The following SIPA1L1 variants were observed in gnomAD, a reference collection of about 807,000 sequenced individuals.
SIPA1L1 encodes signal induced proliferation associated 1 like 1, also known as signal-induced proliferation-associated 1-like protein 1.
A neutral mutation model predicts 162.7 loss-of-function variants in SIPA1L1; 26 were observed. The ratio of observed to expected loss-of-function variants is 0.16; its 90% CI spans 0.12 to 0.22. SIPA1L1 has a LOEUF of 0.22. Among genes scored for constraint, SIPA1L1 ranks in the 10% least tolerant of loss-of-function variants. The pLI, the probability that SIPA1L1 is intolerant of heterozygous loss-of-function variation, is 1.00. For missense variants in SIPA1L1, 1,874 were observed against 2,241.0 expected, an observed-to-expected ratio of 0.84 and a Z score of 3.31; for synonymous variants, 829 against 837.4, an observed-to-expected ratio of 0.99 and a Z score of 0.17.
At chr14:71,678,715 T>C (rs150497706) in intron 12 of SIPA1L1, among the ~76,000 whole-genome samples, 3,438 of 152,176 alleles carry the variant, frequency 0.023, 50 homozygotes, top group Non-Finnish European at 0.033. Context: ...GAAGGAATGG[T>C]ACCAGCTCCT....
intron 2 of SIPA1L1, among the ~76,000 whole-genome samples, chr14:71,350,052 T>C (rs1001233655): frequency 2.0e-5 from 3 of 152,086 alleles, no homozygotes; most frequent in Admixed American, 6.6e-5. Flanking sequence ...TATAAGAGCA[T>C]TTCTGCTAGA....
chr14:71,391,937 G>GT (rs2040795269), intron 2 of SIPA1L1, among the ~76,000 whole-genome samples: 1 of 152,156 alleles, frequency 6.6e-6, no homozygotes, highest in African/African-American at 2.4e-5. Context: ...CTGCTGTACT[G>GT]GTTCTCTTTC....
At chr14:71,548,789 T>C (rs937122114) in intron 4 of SIPA1L1, among the ~76,000 whole-genome samples, 2 of 151,480 alleles carry the variant, frequency 1.3e-5, no homozygotes, top group Non-Finnish European at 2.9e-5. Context: ...TCCCAACTGC[T>C]TTGGAGGCTG....
chr14:71,500,087 G>C (rs901572689), intron 2 of SIPA1L1, among the ~76,000 whole-genome samples: 1 of 152,034 alleles, frequency 6.6e-6, no homozygotes, highest in Non-Finnish European at 1.5e-5. Flanking sequence ...ACATTTGGAC[G>C]TAGTGTTTGA....
intron 5 of SIPA1L1, among the ~76,000 whole-genome samples, chr14:71,604,273 AGG>A (rs995578725): frequency 7.9e-5 from 12 of 152,000 alleles, no homozygotes; most frequent in African/African-American, 2.9e-4. Context: ...AGAACAATAT[AGG>A]TTTGAGCAAC....
At chr14:71,697,012 T>C (rs1008002903) in intron 13 of SIPA1L1, among the ~76,000 whole-genome samples, 4 of 152,250 alleles carry the variant, frequency 2.6e-5, no homozygotes, top group Admixed American at 6.5e-5. Context: ...GAGCCATTAA[T>C]GGGGATGGAG....
intron 4 of SIPA1L1, among the ~76,000 whole-genome samples, chr14:71,575,238 C>T (rs1466831020): frequency 1.3e-5 from 2 of 152,060 alleles, no homozygotes; most frequent in Admixed American, 1.3e-4. Flanking sequence ...TAAGTTGCTG[C>T]GGAACTGACT....
chr14:71,407,138 G>A (rs2140190781), intron 2 of SIPA1L1, among the ~76,000 whole-genome samples: 1 of 152,314 alleles, frequency 6.6e-6, no homozygotes, highest in South Asian at 2.1e-4. Context: ...AGCTACTCGG[G>A]TGGCTGAGGC....
chr14:71,402,350 A>ATT (rs34542279), intron 2 of SIPA1L1, among the ~76,000 whole-genome samples: 126 of 144,296 alleles, frequency 8.7e-4, no homozygotes, highest in South Asian at 3.1e-3. Flanking sequence ...TCTTGGGTAA[A>ATT]TTTTTTTTTT....
chr14:71,345,635 G>A (rs962554649), intron 2 of SIPA1L1, among the ~76,000 whole-genome samples: 23 of 146,044 alleles, frequency 1.6e-4, no homozygotes, highest in Admixed American at 3.4e-4. Context: ...GTGCAGTGGC[G>A]CGATCTTGGC....
intron 2 of SIPA1L1, among the ~76,000 whole-genome samples, chr14:71,354,525 C>T (rs2037050243): frequency 6.6e-6 from 1 of 151,854 alleles, no homozygotes; most frequent in Admixed American, 6.6e-5. Flanking sequence ...AATCTGCCCG[C>T]CTTGGCCTCC....
intron 22 of SIPA1L1, 55 bp from the exon 23 acceptor site, chr14:71,738,186 A>T (rs12886791): frequency 3.5e-6 from 2 of 572,572 alleles, no homozygotes; most frequent in Non-Finnish European, 5.4e-6. Flanking sequence ...AAAAAAAAAA[A>T]CAAACCCAGC....
In SIPA1L1 at chr14:71,709,582, C is replaced by T. The variant is rs1457131678; in HGVS notation, c.4126C>T (p.His1376Tyr). The change falls in exon 17 of 24, where the codon CAC becomes TAC. Residue 1376 changes from histidine to tyrosine, a missense_variant. Physicochemically the swap from His to Tyr is moderately conservative, Grantham distance 83. Coordinates refer to ENST00000381232, the MANE Select transcript of SIPA1L1 (RefSeq NM_001386936.1). The stretch of plus-strand genomic sequence containing the variant: ...AGAGTCTTCCCTGAGCTTAGACATA[C>T]ACAGCAAGAGCCAAGCCGGCTCGAC... Reference protein sequence around the residue: ...KTESSLSLDIHSKSQAGSTPL... With the variant: ...KTESSLSLDIYSKSQAGSTPL... The T allele has an allele frequency of 1.2e-6, 2 of 1,614,200 alleles. No homozygotes were observed. The highest frequency in any genetic ancestry group is 1.7e-5 in the Admixed American group (1 of 60,026).
chr14:71,625,258 A>G (rs1465055174), intron 7 of SIPA1L1, among the ~76,000 whole-genome samples: 1 of 152,020 alleles, frequency 6.6e-6, no homozygotes, highest in Non-Finnish European at 1.5e-5. Context: ...AGCCACTGAG[A>G]ATATATAATG....
intron 2 of SIPA1L1, among the ~76,000 whole-genome samples, 166 bp from the exon 3 acceptor site, chr14:71,512,577 C>G (rs1376211710): frequency 6.6e-5 from 9 of 136,210 alleles, no homozygotes; most frequent in African/African-American, 2.5e-4. Flanking sequence ...CAGAGCGAGA[C>G]TCTGTCTCAA....
At chr14:71,559,141 C>T (rs1033590825) in intron 4 of SIPA1L1, among the ~76,000 whole-genome samples, 2 of 151,368 alleles carry the variant, frequency 1.3e-5, no homozygotes, top group Non-Finnish European at 2.9e-5. Flanking sequence ...TATCTCAGCT[C>T]ATTGCAACCT....
chr14:71,418,354 C>T (rs568651514), intron 2 of SIPA1L1, among the ~76,000 whole-genome samples: 2 of 152,128 alleles, frequency 1.3e-5, no homozygotes, highest in East Asian at 3.9e-4. Context: ...TTGACTGTCT[C>T]ATATATTTAA....
chr14:71,609,936 G>C (rs1322348222), intron 5 of SIPA1L1, among the ~76,000 whole-genome samples: 2 of 140,798 alleles, frequency 1.4e-5, no homozygotes, highest in African/African-American at 5.1e-5. Context: ...AAAATACAAA[G>C]CAAACCAAGC....
chr14:71,544,885 A>AT (rs897599688), intron 4 of SIPA1L1, among the ~76,000 whole-genome samples: 1 of 152,084 alleles, frequency 6.6e-6, no homozygotes, highest in Non-Finnish European at 1.5e-5. Context: ...CTAACTTTAT[A>AT]TTTTTTTAAA....
Sources: gnomAD v4.1 joint callset for allele counts (sites outside exome capture counted in the v4.1 genomes callset) on GRCh38, gnomAD v4.1.1 for gene constraint, MANE v1.5 for transcripts, NCBI Gene and HGNC (gene_info 2026-07-23, HGNC 2026-07-21) for gene names.